Variants in MYO9A observed in about 807,000 individuals in gnomAD.
MYO9A encodes the protein myosin IXA.
In MYO9A, 103 loss-of-function variants were observed where a neutral mutation model predicts 293.3. That is an observed-to-expected ratio of 0.35 (90% CI 0.30 to 0.41). The LOEUF (loss-of-function observed/expected upper bound fraction) is 0.41. MYO9A is among the 10% of genes least tolerant of loss of function. The pLI is 1.00. For synonymous variants in MYO9A, 1,001 were observed against 1,035.7 expected (o/e 0.97, Z 0.64); for missense variants, 2,685 against 3,033.0 (o/e 0.89, Z 2.69).
intron 3 of MYO9A, among the ~76,000 whole-genome samples, chr15:72,032,108 T>C (rs894223119): frequency 3.3e-5 from 5 of 152,048 alleles, no homozygotes; most frequent in African/African-American, 1.2e-4. Flanking sequence ...GGGTTTTCAC[T>C]ATATGTTGGT....
chr15:71,840,376 A>G (rs2055104393), intron 39 of MYO9A, among the ~76,000 whole-genome samples: 3 of 152,182 alleles, frequency 2.0e-5, no homozygotes, highest in Admixed American at 2.0e-4. Context: ...CCACACGAGG[A>G]TGATCTTAGG....
At chr15:71,941,181 A>C (rs1229499953) in intron 15 of MYO9A, among the ~76,000 whole-genome samples, 2 of 152,138 alleles carry the variant, frequency 1.3e-5, no homozygotes, top group Admixed American at 6.6e-5. Flanking sequence ...CCCACCTGTA[A>C]TCCTAGCACT....
At position 72,117,975 on chromosome 15, in the gene MYO9A, G is replaced by A; in HGVS notation, c.-367C>T. ...ACCGCTGCCAGCGGCCGCCTCTGCC[G>A]GTGCAACTACTGCCTCCGCCGCCGC... is the stretch of plus-strand genomic sequence containing the variant. On this transcript the variant is annotated 5_prime_UTR_variant, in exon 1 of 42. Transcript: ENST00000356056. 1 of 400,634 alleles carries A rather than the reference G, an allele frequency of 2.5e-6. No homozygotes were observed. Among genetic ancestry groups the A allele is most frequent in the Non-Finnish European group, 4.4e-6 (1 of 227,950 alleles). 24.8% of individuals were successfully genotyped at this position (400,634 alleles called of 1,614,324 possible).
rs966600208 is a variant in MYO9A at position 71,823,505 on chromosome 15, CT to C, written c.*3074del. The C allele has an allele frequency of 3.3e-5, 5 of 152,176 alleles. No homozygotes were observed. Among genetic ancestry groups the C allele is most frequent in the African/African-American group, 1.2e-4 (5 of 41,438 alleles). 9.4% of individuals were successfully genotyped at this position (152,176 alleles called of 1,614,324 possible). On this transcript the variant is annotated 3_prime_UTR_variant, in exon 42 of 42. Coordinates refer to ENST00000356056, the MANE Select transcript of MYO9A (RefSeq NM_006901.4). ...CTCATAGTTGGAGGGCTGTATCTCC[CT>C]TTGTGTTTTCAGAAGCCCAGAGTGG...
At position 71,898,320 on chromosome 15, in the gene MYO9A, C is replaced by T; in HGVS notation, c.4183G>A (p.Val1395Met). 2 of 1,613,946 alleles carry T rather than the reference C, an allele frequency of 1.2e-6. No individual in the cohort carries two copies. Among genetic ancestry groups the T allele is most frequent in the Non-Finnish European group, 1.7e-6 (2 of 1,180,036 alleles). Residue 1395 changes from valine (V) to methionine (M), a missense_variant, in exon 25 of 42, where the codon GTG (valine) becomes ATG (methionine). By Grantham distance (21) the Val-to-Met change is conservative. This residue lies in a region of MYO9A where 1,434 missense variants were observed against 1,497.7 expected (regional missense o/e 0.96). Transcript: ENST00000356056. ...GTAATAGACTCAGAACTGCAGACCACCATTTCCTTCATAGTTCCATCCTTC... is the reference window on the plus strand; with the variant it reads ...GTAATAGACTCAGAACTGCAGACCATCATTTCCTTCATAGTTCCATCCTTC... ...HLKDGTMKEM[V>M]VCSSESITCK...
intron 8 of MYO9A, among the ~76,000 whole-genome samples, chr15:72,003,146 G>GT (rs1188424589): frequency 6.6e-6 from 1 of 151,862 alleles, no homozygotes; most frequent in Non-Finnish European, 1.5e-5. Flanking sequence ...GTGTATGCCT[G>GT]TAATCCCAGC....
intron 1 of MYO9A, among the ~76,000 whole-genome samples, chr15:72,048,004 T>A (rs2078441941): frequency 6.6e-6 from 1 of 151,880 alleles, no homozygotes; most frequent in Admixed American, 6.6e-5. Flanking sequence ...CCTCTCATAC[T>A]ACTACATATT....
In MYO9A at chr15:72,022,879, C is replaced by T. The variant is rs147993472; in HGVS notation, c.999-1862G>A. Among the ~76,000 whole-genome samples, 3 of 151,876 alleles carry T rather than the reference C, an allele frequency of 2.0e-5. No homozygotes were observed. In the East Asian group the frequency reaches 5.8e-4, roughly 30 times the overall value. On this transcript the variant is annotated intron_variant, in intron 4 of 41. Coordinates refer to ENST00000356056, the MANE Select transcript of MYO9A (RefSeq NM_006901.4). ...AAAATCCAGTTTTCAACAACAACAA[C>T]AAAAAATTATAAGGCATGCAAAGAA... is the stretch of plus-strand genomic sequence containing the variant.
intron 7 of MYO9A, among the ~76,000 whole-genome samples, chr15:72,008,489 G>GGT (rs111259580): frequency 0.038 from 5,280 of 139,918 alleles, 153 homozygotes; most frequent in African/African-American, 0.085. Context: ...GGGGTAAATG[G>GGT]GTGTGTGTGT....
chr15:72,083,647 TG>T (rs1284374103), intron 1 of MYO9A, among the ~76,000 whole-genome samples: 3 of 152,238 alleles, frequency 2.0e-5, no homozygotes, highest in Non-Finnish European at 4.4e-5. Context: ...CACTTAGTGC[TG>T]TAAGTTTTCC....
intron 1 of MYO9A, among the ~76,000 whole-genome samples, chr15:72,101,673 C>A (rs1295068553): frequency 1.4e-5 from 2 of 141,012 alleles, no homozygotes; most frequent in Non-Finnish European, 3.1e-5. Flanking sequence ...CCAGCCGCCC[C>A]GTCTGGGAGG....
intron 19 of MYO9A, among the ~76,000 whole-genome samples, chr15:71,910,522 T>G (rs1298363892): frequency 2.6e-5 from 4 of 152,192 alleles, no homozygotes; most frequent in Non-Finnish European, 1.5e-5. Context: ...AATTTTGCTA[T>G]GAACATACTT....
At chr15:71,986,889 G>C (rs1352209130) in intron 11 of MYO9A, among the ~76,000 whole-genome samples, 3 of 152,104 alleles carry the variant, frequency 2.0e-5, no homozygotes, top group Non-Finnish European at 4.4e-5. Context: ...TAACTAGTGT[G>C]TGTACAGTAA....
rs1247275196 is a variant in MYO9A at position 71,862,525 on chromosome 15, T to C, written c.6066A>G (p.Ile2022Met). The C allele has an allele frequency of 6.2e-7, 1 of 1,610,932 alleles. No homozygotes were observed. The highest frequency in any genetic ancestry group is 8.5e-7 in the Non-Finnish European group (1 of 1,177,390). ...ATTTGCAAACAGAGGCTCGGTCCAT[T>C]ATCCATATCAAAGAAGAACAGTATT... ...YCEYCSSLIW[I>M]MDRASVCKLC... is the part of the protein sequence containing the mutation. The change falls in exon 33 of 42, where the codon ATA (isoleucine) becomes ATG (methionine). Residue 2022 changes from isoleucine to methionine, a missense_variant. This residue lies in a region of MYO9A where 14 missense variants were observed against 38.0 expected (regional missense o/e 0.37). Transcript: ENST00000356056.
At chr15:71,978,326 T>G (rs1407505841) in intron 11 of MYO9A, 34 bp from the exon 12 acceptor site, 1 of 1,570,970 alleles carries the variant, frequency 6.4e-7, no homozygotes, top group South Asian at 1.2e-5. Context: ...AACAATTTAT[T>G]CATCTTGCAG....
chr15:72,047,774 CTTTTTTTTT>C (rs11397735), intron 1 of MYO9A, among the ~76,000 whole-genome samples: 3 of 74,390 alleles, frequency 4.0e-5, no homozygotes, highest in South Asian at 1.2e-3. Context: ...CAGTTACTTC[CTTTTTTTTT>C]TTTTTTTTTT....
chr15:71,991,936 G>A (rs1339899202), intron 10 of MYO9A, among the ~76,000 whole-genome samples: 1 of 152,058 alleles, frequency 6.6e-6, no homozygotes, highest in Non-Finnish European at 1.5e-5. Context: ...TTGTATTTTT[G>A]GTAGAGACTG....
chr15:72,074,045 T>C lies in MYO9A; in HGVS notation c.-71-27411A>G, dbSNP rs545153675. Among the ~76,000 whole-genome samples, 146 of 152,244 alleles carry C rather than the reference T, an allele frequency of 9.6e-4. 1 individual carries two copies. Among genetic ancestry groups the C allele is most frequent in the South Asian group, 5.6e-3 (27 of 4,832 alleles). ...TTCCTTTGCAGAATGAAAGAAGCTA[T>C]AAACAAAAATTTATCCTCACATCAC... On this transcript the variant is annotated intron_variant, in intron 1 of 41. Coordinates refer to ENST00000356056, the MANE Select transcript of MYO9A (RefSeq NM_006901.4).
chr15:72,055,801 C>CA (rs1471976974), intron 1 of MYO9A, among the ~76,000 whole-genome samples: 1 of 151,860 alleles, frequency 6.6e-6, no homozygotes, highest in Non-Finnish European at 1.5e-5. Context: ...TAAAAAAAAT[C>CA]AAAAAAATAA....
Sources: gnomAD v4.1 joint callset for allele counts (sites outside exome capture counted in the v4.1 genomes callset) on GRCh38, gnomAD v4.1.1 for gene constraint, gnomAD v4.1.1 regional missense constraint, MANE v1.5 for transcripts, NCBI Gene and HGNC (gene_info 2026-07-23, HGNC 2026-07-21) for gene names.